Variants in ADAM23 observed in about 807,000 individuals in gnomAD.
ADAM23 encodes the protein disintegrin and metalloproteinase domain-containing protein 23.
In ADAM23, 33 loss-of-function variants were observed where a neutral mutation model predicts 120.1. The ratio of observed to expected loss-of-function variants is 0.27; its 90% confidence interval spans 0.21 to 0.37. ADAM23 has a LOEUF of 0.37. Among genes scored for constraint, ADAM23 ranks in the 10% least tolerant of loss-of-function variants. The pLI, the probability that ADAM23 is intolerant of heterozygous loss-of-function variation, is 1.00. For missense variants in ADAM23, 862 were observed against 1,058.2 expected (o/e 0.81, Z 2.57); for synonymous variants, 367 against 375.2 (o/e 0.98, Z 0.25).
At chr2:206,562,607 C>T (rs546924011) in intron 13 of ADAM23, among the ~76,000 whole-genome samples, 7 of 152,248 alleles carry the variant, frequency 4.6e-5, no homozygotes, top group African/African-American at 1.4e-4. Flanking sequence ...GCTGAGCAGA[C>T]GTACAAGGTG....
At chr2:206,574,269 G>A (rs1246463386) in intron 18 of ADAM23, among the ~76,000 whole-genome samples, 5 of 152,036 alleles carry the variant, frequency 3.3e-5, no homozygotes. Flanking sequence ...GGCTCAACCT[G>A]TACATATTTT....
At chr2:206,572,899 A>G (rs892644538) in intron 17 of ADAM23, among the ~76,000 whole-genome samples, 2 of 152,176 alleles carry the variant, frequency 1.3e-5, no homozygotes, top group African/African-American at 2.4e-5. Context: ...AAATCTGAAC[A>G]TTTAAAGCTT....
rs576626979 is a variant in ADAM23 at position 206,506,658 on chromosome 2, G to T, written c.510-24227G>T. ...TGAGGTAAACAGAGTACCTTCATTT[G>T]GATTTTACCTTTTAGATTGCAGATC... On this transcript the variant is annotated intron_variant, in intron 3 of 25. Coordinates refer to ENST00000264377, the MANE Select transcript of ADAM23 (RefSeq NM_003812.4). Among the ~76,000 whole-genome samples the T allele has an allele frequency of 2.0e-5, 3 of 152,190 alleles. No individual in the cohort carries two copies. In the East Asian group the frequency reaches 5.8e-4, roughly 29 times the overall value.
chr2:206,524,992 A>G (rs1305644450), intron 3 of ADAM23, among the ~76,000 whole-genome samples: 1 of 152,186 alleles, frequency 6.6e-6, no homozygotes, highest in East Asian at 1.9e-4. Context: ...CTCGATGTGT[A>G]TACCTTAAAT....
Position 206,619,925 on chromosome 2 carries a change from A to G in ADAM23, c.*2298A>G, listed in dbSNP as rs932050930. On this transcript the variant is annotated 3_prime_UTR_variant, in exon 26 of 26. Coordinates refer to ENST00000264377, the MANE Select transcript of ADAM23 (RefSeq NM_003812.4). ...CCTTACTCCTGGCTTCATAGGACAC[A>G]GGTAGCATCCCTCTAGTCATTGGCA... 1.3e-5 allele frequency: 2 copies of G among 152,246 alleles called. No individual in the cohort carries two copies. The highest frequency in any genetic ancestry group is 2.9e-5 in the Non-Finnish European group (2 of 68,044). 9.4% of individuals were successfully genotyped at this position (152,246 alleles called of 1,614,324 possible).
intron 14 of ADAM23, among the ~76,000 whole-genome samples, chr2:206,566,711 C>A (rs1697890450): frequency 6.6e-6 from 1 of 152,146 alleles, no homozygotes. Context: ...TGATCTAACA[C>A]ACCTCTTTAA....
intron 9 of ADAM23, among the ~76,000 whole-genome samples, chr2:206,555,160 T>A (rs909280114): frequency 6.6e-6 from 1 of 152,184 alleles, no homozygotes; most frequent in African/African-American, 2.4e-5. Flanking sequence ...CCTTAAGTTC[T>A]GTGCTCATAT....
chr2:206,499,529 A>G (rs1696338944), intron 3 of ADAM23, among the ~76,000 whole-genome samples: 1 of 151,458 alleles, frequency 6.6e-6, no homozygotes, highest in South Asian at 2.1e-4. Context: ...TAGGAGATAT[A>G]CCTAATGCTA....
chr2:206,585,895 T>G (rs1698313063), intron 18 of ADAM23, among the ~76,000 whole-genome samples: 1 of 152,232 alleles, frequency 6.6e-6, no homozygotes, highest in African/African-American at 2.4e-5. Flanking sequence ...CTTAAAGCCC[T>G]TATCCTAAAT....
intron 3 of ADAM23, among the ~76,000 whole-genome samples, chr2:206,495,793 G>A (rs1027849832): frequency 3.3e-5 from 5 of 152,054 alleles, no homozygotes; most frequent in African/African-American, 7.2e-5. Flanking sequence ...TCAAAATAAA[G>A]GGATGGAGGA....
intron 3 of ADAM23, among the ~76,000 whole-genome samples, chr2:206,509,680 C>T (rs1030745163): frequency 6.6e-6 from 1 of 152,180 alleles, no homozygotes; most frequent in South Asian, 2.1e-4. Flanking sequence ...AACTCCTGAC[C>T]TCAGGTGATC....
At position 206,617,931 on chromosome 2, in the gene ADAM23, T is replaced by A. The variant is rs1452652873; in HGVS notation, c.*304T>A. 6.7e-6 allele frequency: 2 copies of A among 299,968 alleles called. No homozygotes were observed. Among genetic ancestry groups the A allele is most frequent in the Non-Finnish European group, 1.2e-5 (2 of 167,116 alleles). The allele number at this position is 299,968 out of a possible 1,614,324, so 18.6% of individuals were successfully genotyped here. On this transcript the variant is annotated 3_prime_UTR_variant, in exon 26 of 26. Coordinates refer to ENST00000264377, the MANE Select transcript of ADAM23 (RefSeq NM_003812.4). ...CGAAGGAACAACACACACACAAAAA[T>A]TAAATGCAATAAAGGAATCATTAAA...
chr2:206,576,194 A>G (rs959306192), intron 18 of ADAM23, among the ~76,000 whole-genome samples: 2 of 152,186 alleles, frequency 1.3e-5, no homozygotes, highest in African/African-American at 2.4e-5. Context: ...TGTATTGACA[A>G]TACTGATACA....
chr2:206,524,725 A>G (rs1341048643), intron 3 of ADAM23, among the ~76,000 whole-genome samples: 1 of 152,226 alleles, frequency 6.6e-6, no homozygotes, highest in Non-Finnish European at 1.5e-5. Flanking sequence ...TGAGAACAGT[A>G]TCAGGGAAAC....
intron 10 of ADAM23, 90 bp from the exon 11 acceptor site, chr2:206,559,865 C>G (rs917669752): frequency 1.2e-5 from 14 of 1,183,150 alleles, no homozygotes; most frequent in Admixed American, 2.2e-5. Context: ...TCACCTCCCC[C>G]TTCCTGTCCT....
At chr2:206,554,186 G>A (rs936287516) in intron 9 of ADAM23, among the ~76,000 whole-genome samples, 4 of 151,972 alleles carry the variant, frequency 2.6e-5, no homozygotes, top group Non-Finnish European at 5.9e-5. Flanking sequence ...TGAAAAAAAT[G>A]CAGATATCTT....
At chr2:206,533,328 A>G (rs1001730945) in intron 4 of ADAM23, among the ~76,000 whole-genome samples, 6 of 152,112 alleles carry the variant, frequency 3.9e-5, no homozygotes, top group Admixed American at 6.5e-5. Flanking sequence ...CAGTCTCCCA[A>G]GTCGCTGGGA....
chr2:206,502,393 G>T (rs1696406115), intron 3 of ADAM23, among the ~76,000 whole-genome samples: 2 of 151,970 alleles, frequency 1.3e-5, no homozygotes, highest in Non-Finnish European at 2.9e-5. Flanking sequence ...TGTTTTTTTG[G>T]TTTGTAATTA....
chr2:206,573,227 T>G (rs1157857819), intron 18 of ADAM23, 32 bp downstream of exon 18: 1 of 1,593,712 alleles, frequency 6.3e-7, no homozygotes, highest in Non-Finnish European at 8.6e-7. Context: ...GTAATACATT[T>G]TACTTGTACA....
Sources: allele counts gnomAD v4.1 joint callset (sites outside exome capture counted in the v4.1 genomes callset), GRCh38; gene constraint gnomAD v4.1.1; transcripts MANE v1.5; gene names NCBI Gene and HGNC (gene_info 2026-07-23, HGNC 2026-07-21).